Variants in ABL1 observed in about 807,000 individuals in gnomAD.
ABL1 encodes the protein tyrosine-protein kinase ABL1.
In ABL1, 11 loss-of-function variants were observed where a neutral mutation model predicts 94.7. That is an observed-to-expected ratio of 0.12 (90% CI 0.07 to 0.19). The LOEUF (loss-of-function observed/expected upper bound fraction) is 0.19. Among genes scored for constraint, ABL1 ranks in the 10% least tolerant of loss-of-function variants. The pLI is 1.00. For missense variants in ABL1, 1,082 were observed against 1,489.4 expected, an observed-to-expected ratio of 0.73 and a Z score of 4.50; for synonymous variants, 656 against 622.4, an observed-to-expected ratio of 1.05 and a Z score of -0.80.
intron 3 of ABL1, among the ~76,000 whole-genome samples, chr9:130,860,345 A>C (rs1831052161): frequency 6.6e-6 from 1 of 152,220 alleles, no homozygotes; most frequent in Non-Finnish European, 1.5e-5. Context: ...ACTAAGTCAC[A>C]ACAAGGTCTA....
chr9:130,729,135 A>C (rs1321895870), intron 1 of ABL1, among the ~76,000 whole-genome samples: 3 of 152,088 alleles, frequency 2.0e-5, no homozygotes, highest in Admixed American at 2.0e-4. Context: ...AATAGAGGGT[A>C]CTCTTTAGAC....
chr9:130,754,924 TAGTC>T (rs1192997416), intron 1 of ABL1, among the ~76,000 whole-genome samples: 4 of 152,066 alleles, frequency 2.6e-5, no homozygotes, highest in African/African-American at 4.8e-5. Flanking sequence ...TTGGCTAGGA[TAGTC>T]AGAGGAGTAC....
intron 10 of ABL1, among the ~76,000 whole-genome samples, chr9:130,881,119 G>A (rs1206066563): frequency 6.6e-6 from 1 of 152,210 alleles, no homozygotes. Flanking sequence ...GTGGTCTCTG[G>A]GAAGAGCATC....
At position 130,873,050 on chromosome 9, in the gene ABL1, C is replaced by T. The variant is rs763402515; in HGVS notation, c.1085+13C>T. The stretch of plus-strand genomic sequence containing the variant: ...ACTTCATCCACAGGTAGGGGCCTGG[C>T]CAGGCAGCCTGCGCCATGGAGTCAC... On this transcript the variant is annotated intron_variant, in intron 6 of 10. Transcript: ENST00000318560. 6.2e-7 allele frequency: 1 copy of T among 1,609,710 alleles called. No individual in the cohort carries two copies. Among genetic ancestry groups the T allele is most frequent in the Non-Finnish European group, 8.5e-7 (1 of 1,177,456 alleles).
At chr9:130,809,368 T>G (rs1264259457) in intron 1 of ABL1, among the ~76,000 whole-genome samples, 1 of 146,442 alleles carries the variant, frequency 6.8e-6, no homozygotes, top group African/African-American at 2.5e-5. Flanking sequence ...AGAGTTGTAT[T>G]AGTGAAGGTT....
chr9:130,730,840 G>A (rs1417754303), intron 1 of ABL1, among the ~76,000 whole-genome samples: 1 of 151,876 alleles, frequency 6.6e-6, no homozygotes, highest in Non-Finnish European at 1.5e-5. Flanking sequence ...CCAAAGTGCT[G>A]GGATTACAGG....
chr9:130,828,692 CAA>C (rs1378381092), intron 1 of ABL1, among the ~76,000 whole-genome samples: 3 of 151,408 alleles, frequency 2.0e-5, no homozygotes, highest in Non-Finnish European at 4.4e-5. Flanking sequence ...GGGCAAGCAA[CAA>C]GAGTGAAACT....
chr9:130,842,761 A>C (rs905457281), intron 1 of ABL1, among the ~76,000 whole-genome samples: 1 of 152,196 alleles, frequency 6.6e-6, no homozygotes, highest in Non-Finnish European at 1.5e-5. Context: ...GTCTGTTGCA[A>C]ATGGCCTGTG....
chr9:130,823,142 C>G lies in ABL1; in HGVS notation c.137-30922C>G, dbSNP rs1349045794. On this transcript the variant is annotated intron_variant, in intron 1 of 10. Coordinates refer to the ABL1 transcript ENST00000372348. Reference sequence around the variant, plus strand: ...TATGATAGCACATGTAGCTTTTTATCTTCCTTACACCAGTGCAAGTTTATA... The same window carrying G: ...TATGATAGCACATGTAGCTTTTTATGTTCCTTACACCAGTGCAAGTTTATA... Among the ~76,000 whole-genome samples, 5 of 152,120 alleles carry G rather than the reference C, an allele frequency of 3.3e-5. No homozygotes were observed. The East Asian group carries it at 9.6e-4, about 29-fold the overall frequency.
chr9:130,850,597 C>T (rs1830841344), intron 1 of ABL1, among the ~76,000 whole-genome samples: 1 of 152,186 alleles, frequency 6.6e-6, no homozygotes, highest in South Asian at 2.1e-4. Flanking sequence ...ACCTCTGCCT[C>T]CTGTGTTCAA....
chr9:130,802,092 A>C (rs1272660413), intron 1 of ABL1, among the ~76,000 whole-genome samples: 1 of 117,016 alleles, frequency 8.5e-6, no homozygotes, highest in Non-Finnish European at 1.7e-5. Context: ...TTTTTCCTTC[A>C]GTCTTTTTTT....
chr9:130,714,905 T>C (rs1460694676), intron 1 of ABL1, among the ~76,000 whole-genome samples: 1 of 152,240 alleles, frequency 6.6e-6, no homozygotes, highest in East Asian at 1.9e-4. Context: ...AAGTTAAGAA[T>C]CATAGATACT....
At chr9:130,883,883 G>A in intron 10 of ABL1, 86 bp from the exon 11 acceptor site, 1 of 1,475,848 alleles carries the variant, frequency 6.8e-7, no homozygotes. Context: ...TGCAGCAGTG[G>A]CACTCTGCCT....
chr9:130,814,659 C>G lies in ABL1; in HGVS notation c.137-39405C>G, dbSNP rs1033012520. Among the ~76,000 whole-genome samples, 1 of 152,040 alleles carries G rather than the reference C, an allele frequency of 6.6e-6. No individual in the cohort carries two copies. The highest frequency in any genetic ancestry group is 2.4e-5 in the African/African-American group (1 of 41,396). On this transcript the variant is annotated intron_variant, in intron 1 of 10. Transcript: ENST00000372348. This position sits in a 1 kb window ranked among gnomAD's most constrained non-coding sequence, Gnocchi z 4.4. The stretch of plus-strand genomic sequence containing the variant: ...TTGGTAGGCCGAGGTGGGCGGATCA[C>G]GAGGTCAGGAGACCGAGACCATCCT...
chr9:130,867,264 C>G (rs910145381), intron 4 of ABL1, among the ~76,000 whole-genome samples: 6 of 152,184 alleles, frequency 3.9e-5, no homozygotes, highest in Non-Finnish European at 7.3e-5. Context: ...CCCATAGGCA[C>G]GGATCTCTGT....
intron 1 of ABL1, among the ~76,000 whole-genome samples, chr9:130,736,569 G>A (rs1374584058): frequency 6.7e-6 from 1 of 150,120 alleles, no homozygotes; most frequent in Non-Finnish European, 1.5e-5. Flanking sequence ...CGGCCCCACC[G>A]CAACCTCCGC....
upstream of ABL1, among the ~76,000 whole-genome samples, chr9:130,831,225 G>T (rs967845528): frequency 7.2e-5 from 11 of 152,108 alleles, no homozygotes; most frequent in African/African-American, 2.7e-4. Flanking sequence ...CAGACCTGGG[G>T]TCACCTTGTC....
chr9:130,770,219 T>G (rs575178642), intron 1 of ABL1, among the ~76,000 whole-genome samples: 1 of 152,124 alleles, frequency 6.6e-6, no homozygotes, highest in Non-Finnish European at 1.5e-5. Context: ...TTATTAAGAT[T>G]TATAAGACTG....
intron 1 of ABL1, among the ~76,000 whole-genome samples, chr9:130,740,888 A>G (rs1462755206): frequency 7.7e-6 from 1 of 130,434 alleles, no homozygotes; most frequent in African/African-American, 3.0e-5. Context: ...GCCTCAAGGG[A>G]TCCTCCTACC....
Sources: allele counts gnomAD v4.1 joint callset (sites outside exome capture counted in the v4.1 genomes callset), GRCh38; gene constraint gnomAD v4.1.1; non-coding constraint Gnocchi (gnomAD v3.1); transcripts MANE v1.5; gene names NCBI Gene and HGNC (gene_info 2026-07-23, HGNC 2026-07-21).